The following VTI1A variants were observed in gnomAD, a reference collection of about 807,000 sequenced individuals.
VTI1A encodes vesicle transport through interaction with t-SNAREs homolog 1A.
Under a neutral mutation model 34.9 loss-of-function variants are expected in VTI1A, and 22 were observed. The observed-to-expected ratio is 0.63, with a 90% CI of 0.45 to 0.90. VTI1A has a LOEUF of 0.90. Ranked by LOEUF, VTI1A falls within the 40% of genes least tolerant of loss-of-function variation. VTI1A has a pLI of 0.00. For synonymous variants in VTI1A, 87 were observed against 97.3 expected (o/e 0.89, Z 0.62); for missense variants, 268 against 275.6 (o/e 0.97, Z 0.20).
the VTI1A span, among the ~76,000 whole-genome samples, chr10:112,843,405 G>A: frequency 6.3e-4 from 96 of 152,324 alleles, no homozygotes; most frequent in African/African-American, 2.2e-3. Context: ...TAATTTTGAG[G>A]CTGTATATAG....
At chr10:112,497,842 G>A (rs1275835120) in intron 3 of VTI1A, among the ~76,000 whole-genome samples, 1 of 152,076 alleles carries the variant, frequency 6.6e-6, no homozygotes, top group Non-Finnish European at 1.5e-5. Context: ...TATGTAAATA[G>A]GTTAAAGTTT....
intron 7 of VTI1A, among the ~76,000 whole-genome samples, chr10:112,807,551 C>A (rs938913528): frequency 9.9e-5 from 15 of 152,008 alleles, no homozygotes; most frequent in African/African-American, 3.4e-4. Flanking sequence ...GAATGATTTC[C>A]TCTCAAGATC....
At chr10:112,556,208 G>A (rs564577542) in intron 5 of VTI1A, among the ~76,000 whole-genome samples, 2 of 151,982 alleles carry the variant, frequency 1.3e-5, no homozygotes, top group African/African-American at 2.4e-5. Flanking sequence ...AGTCTGAATC[G>A]TAGAAGCCTA....
intron 5 of VTI1A, among the ~76,000 whole-genome samples, chr10:112,554,494 T>C (rs978459359): frequency 3.3e-5 from 5 of 152,188 alleles, no homozygotes; most frequent in East Asian, 3.8e-4. Context: ...GTAGAGTAAA[T>C]GGAAACTCTG....
At chr10:112,794,368 C>G (rs1349007156) in intron 7 of VTI1A, among the ~76,000 whole-genome samples, 2 of 152,162 alleles carry the variant, frequency 1.3e-5, no homozygotes, top group Middle Eastern at 3.4e-3. Flanking sequence ...CCGGCCTGGA[C>G]AGTAGAGTAA....
At chr10:112,506,612 A>C (rs1564805181) in intron 3 of VTI1A, among the ~76,000 whole-genome samples, 1 of 152,148 alleles carries the variant, frequency 6.6e-6, no homozygotes, top group East Asian at 1.9e-4. Context: ...GTTGTCTTCT[A>C]TTTTACTTCT....
intron 7 of VTI1A, among the ~76,000 whole-genome samples, chr10:112,766,311 T>A (rs1020437320): frequency 3.9e-5 from 6 of 152,254 alleles, no homozygotes; most frequent in Non-Finnish European, 5.9e-5. Flanking sequence ...CAACAGATGG[T>A]AGCCAGTACT....
intron 5 of VTI1A, among the ~76,000 whole-genome samples, chr10:112,612,471 T>C (rs1037116324): frequency 6.6e-6 from 1 of 152,184 alleles, no homozygotes; most frequent in African/African-American, 2.4e-5. Flanking sequence ...CCGGCTGGAG[T>C]GCAATAGCAC....
At chr10:112,781,409 G>A (rs1020040495) in intron 7 of VTI1A, among the ~76,000 whole-genome samples, 14 of 152,110 alleles carry the variant, frequency 9.2e-5, no homozygotes. Context: ...TCAGAGCTAG[G>A]CCACACTCTT....
intron 5 of VTI1A, among the ~76,000 whole-genome samples, chr10:112,602,199 GAAT>G (rs1191457858): frequency 1.3e-5 from 2 of 152,158 alleles, no homozygotes; most frequent in East Asian, 3.8e-4. Flanking sequence ...TCCTAATTAA[GAAT>G]AATTACAGCA....
At chr10:112,789,000 CAT>C (rs1176380786) in intron 7 of VTI1A, among the ~76,000 whole-genome samples, 1 of 152,096 alleles carries the variant, frequency 6.6e-6, no homozygotes, top group Non-Finnish European at 1.5e-5. Context: ...CATATCTACA[CAT>C]GATATAAACC....
At chr10:112,777,966 G>A (rs746993266) in intron 7 of VTI1A, among the ~76,000 whole-genome samples, 1 of 152,152 alleles carries the variant, frequency 6.6e-6, no homozygotes, top group Non-Finnish European at 1.5e-5. Flanking sequence ...GCCGGGCATG[G>A]TGGCGCATGC....
chr10:112,813,835 A>G (rs553664317), intron 7 of VTI1A, among the ~76,000 whole-genome samples: 28 of 152,346 alleles, frequency 1.8e-4, no homozygotes, highest in African/African-American at 6.7e-4. Flanking sequence ...CTTGAGTGAT[A>G]AATGAGGACC....
chr10:112,556,703 G>A (rs1195861961), intron 5 of VTI1A, among the ~76,000 whole-genome samples: 1 of 151,884 alleles, frequency 6.6e-6, no homozygotes, highest in Non-Finnish European at 1.5e-5. Context: ...GGCATTAATT[G>A]TTTTAGAGGG....
At chr10:112,707,868 G>C (rs1251786854) in intron 7 of VTI1A, among the ~76,000 whole-genome samples, 2 of 152,190 alleles carry the variant, frequency 1.3e-5, no homozygotes, top group Non-Finnish European at 2.9e-5. Flanking sequence ...AGCTATAAAA[G>C]TCTGTTTGGT....
intron 5 of VTI1A, among the ~76,000 whole-genome samples, chr10:112,611,603 C>T (rs1425729418): frequency 6.6e-6 from 1 of 152,044 alleles, no homozygotes; most frequent in Non-Finnish European, 1.5e-5. Context: ...TTTTTAATGT[C>T]AGCACCTAAA....
chr10:112,514,842 A>C (rs1219772250), intron 3 of VTI1A, among the ~76,000 whole-genome samples: 1 of 152,026 alleles, frequency 6.6e-6, no homozygotes, highest in Non-Finnish European at 1.5e-5. Flanking sequence ...TTTAACTACC[A>C]ATAATGAGGT....
chr10:112,662,074 G>A (rs577928389), intron 5 of VTI1A, among the ~76,000 whole-genome samples: 1 of 152,224 alleles, frequency 6.6e-6, no homozygotes, highest in South Asian at 2.1e-4. Flanking sequence ...ACCCAGCCAA[G>A]ATTTTAAATT....
At chr10:112,843,428 A>C in the VTI1A span, among the ~76,000 whole-genome samples, 2 of 152,224 alleles carry the variant, frequency 1.3e-5, no homozygotes, top group Admixed American at 6.5e-5. Flanking sequence ...TGAGCAGGAA[A>C]AGGTGGTACG....
Sources: gnomAD v4.1 joint callset for allele counts (sites outside exome capture counted in the v4.1 genomes callset) on GRCh38, gnomAD v4.1.1 for gene constraint, MANE v1.5 for transcripts, NCBI Gene and HGNC (gene_info 2026-07-23, HGNC 2026-07-21) for gene names.